TBPL1: variants seen among roughly 807,000 people sequenced by gnomAD.
The protein encoded by TBPL1 is TATA box-binding protein-like 1.
Under a neutral mutation model 22.1 loss-of-function variants are expected in TBPL1, and 4 were observed. That is an observed-to-expected ratio of 0.18 (90% CI 0.09 to 0.41). TBPL1 has a LOEUF of 0.41. TBPL1 is among the 10% of genes least tolerant of loss of function. The pLI, the probability that TBPL1 is intolerant of heterozygous loss-of-function variation, is 1.00. For missense variants in TBPL1, 115 were observed against 222.3 expected, an observed-to-expected ratio of 0.52 and a Z score of 3.07; for synonymous variants, 64 against 71.0, an observed-to-expected ratio of 0.90 and a Z score of 0.50.
At chr6:133,954,170 G>C (rs2114310198) in intron 1 of TBPL1, among the ~76,000 whole-genome samples, 1 of 152,330 alleles carries the variant, frequency 6.6e-6, no homozygotes, top group East Asian at 1.9e-4. Context: ...ATTGCAATAA[G>C]ACTCAAACTG....
chr6:133,955,811 C>A lies in TBPL1; in HGVS notation c.-45+2386C>A, dbSNP rs4896018. On this transcript the variant is annotated intron_variant, in intron 1 of 6. Transcript: ENST00000237264. ...ATTCTAAAAAAATTATTCTTAAAAT[C>A]AATCTTGACTGAAATTATATTCTGC... Among the ~76,000 whole-genome samples, 1,284 of 152,230 alleles carry A rather than the reference C, an allele frequency of 8.4e-3. 38 individuals are homozygous for A. The highest frequency in any genetic ancestry group is 0.062 in the Admixed American group (949 of 15,294).
intron 1 of TBPL1, among the ~76,000 whole-genome samples, chr6:133,977,418 T>G (rs193119396): frequency 6.6e-6 from 1 of 152,314 alleles, no homozygotes; most frequent in Non-Finnish European, 1.5e-5. Context: ...CAGATTTTCT[T>G]TACCCCTTTT....
At chr6:133,985,074 T>TC (rs1764396774) in intron 6 of TBPL1, among the ~76,000 whole-genome samples, 1 of 151,252 alleles carries the variant, frequency 6.6e-6, no homozygotes, top group African/African-American at 2.4e-5. Context: ...GGTCAAGAGA[T>TC]CAAGACCATC....
chr6:133,985,718 C>G (rs1776507334), intron 6 of TBPL1, among the ~76,000 whole-genome samples: 1 of 152,026 alleles, frequency 6.6e-6, no homozygotes, highest in South Asian at 2.1e-4. Context: ...TTTCTTCAAT[C>G]CACAGAGGAA....
chr6:133,965,638 T>A (rs941715650), intron 1 of TBPL1, among the ~76,000 whole-genome samples: 11 of 151,986 alleles, frequency 7.2e-5, no homozygotes, highest in African/African-American at 2.4e-4. Flanking sequence ...ACTGTTAAAT[T>A]TAGTGCTTTT....
intron 1 of TBPL1, among the ~76,000 whole-genome samples, chr6:133,966,687 A>G (rs1468127530): frequency 6.6e-6 from 1 of 152,104 alleles, no homozygotes; most frequent in Non-Finnish European, 1.5e-5. Context: ...ATCTTAGTAA[A>G]TAGTATCTTA....
intron 1 of TBPL1, among the ~76,000 whole-genome samples, chr6:133,962,159 T>G (rs1583810350): frequency 6.6e-6 from 1 of 152,058 alleles, no homozygotes; most frequent in African/African-American, 2.4e-5. Flanking sequence ...AGTGGAAGAT[T>G]AGGTTATATA....
chr6:133,973,036 A>G (rs565030683), intron 1 of TBPL1, among the ~76,000 whole-genome samples: 13 of 152,350 alleles, frequency 8.5e-5, no homozygotes, highest in Admixed American at 5.9e-4. Flanking sequence ...CAGATACGAA[A>G]GAACATCGTT....
intron 1 of TBPL1, chr6:133,968,743 T>G (rs1402072934): frequency 6.6e-6 from 1 of 152,284 alleles, no homozygotes; most frequent in African/African-American, 2.4e-5. Context: ...CAATCTCTGC[T>G]CACTGCAGCC....
At chr6:133,984,711 T>C (rs1391603478) in intron 6 of TBPL1, 40 bp downstream of exon 6, 1 of 1,485,192 alleles carries the variant, frequency 6.7e-7, no homozygotes, top group Non-Finnish European at 9.4e-7. Context: ...CAATTATGGA[T>C]TGAATGATAC....
rs186196101 is a variant in TBPL1, at chr6:133,957,362, A to G, written c.-45+3937A>G. 9.2e-5 allele frequency among the ~76,000 whole-genome samples: 14 copies of G among 152,344 alleles called. No homozygotes were observed. The East Asian group carries it at 2.3e-3, about 25-fold the overall frequency. ...TAAGGACAGAGTTTTCTTAGGACAT[A>G]TGTGGATGATTTCAGCATTGAATTG... On this transcript the variant is annotated intron_variant, in intron 1 of 6. Transcript: ENST00000237264.
chr6:133,975,222 A>G (rs1776293157), intron 1 of TBPL1, among the ~76,000 whole-genome samples: 1 of 152,146 alleles, frequency 6.6e-6, no homozygotes. Context: ...TACTACAGTG[A>G]AAAAAGGGTA....
intron 1 of TBPL1, among the ~76,000 whole-genome samples, chr6:133,966,706 A>G (rs1776124603): frequency 6.6e-6 from 1 of 152,054 alleles, no homozygotes; most frequent in South Asian, 2.1e-4. Flanking sequence ...TAGGCCACAA[A>G]CCTGCAGTCA....
At position 133,973,567 on chromosome 6, in the gene TBPL1, C is replaced by T. The variant is rs573524385; in HGVS notation, c.-44-6515C>T. ...CTTTGATGCAATTTGTCGTAAAAGC[C>T]AGAAGGTGGCGATGTTTTCCATTTA... On this transcript the variant is annotated intron_variant, in intron 1 of 6. Transcript: ENST00000237264. Among the ~76,000 whole-genome samples the T allele has an allele frequency of 2.6e-5, 4 of 152,176 alleles. No homozygotes were observed. The East Asian group carries it at 5.8e-4, about 22-fold the overall frequency.
At chr6:133,980,433 A>T (rs1414550948) in intron 2 of TBPL1, among the ~76,000 whole-genome samples, 173 bp downstream of exon 2, 1 of 152,180 alleles carries the variant, frequency 6.6e-6, no homozygotes, top group African/African-American at 2.4e-5. Context: ...TGGAGGTGCA[A>T]GCTTTTGTAC....
intron 1 of TBPL1, among the ~76,000 whole-genome samples, chr6:133,971,978 G>T (rs1776229842): frequency 6.6e-6 from 1 of 152,126 alleles, no homozygotes; most frequent in Non-Finnish European, 1.5e-5. Context: ...AAAAGGTAAA[G>T]CAGTAATACA....
At chr6:133,972,457 TTTGGGCTTGTCCAGTAA>T (rs1281271429) in intron 1 of TBPL1, among the ~76,000 whole-genome samples, 3 of 152,238 alleles carry the variant, frequency 2.0e-5, no homozygotes, top group Non-Finnish European at 4.4e-5. Context: ...GTAGTGCCTC[TTTGGGCTTGTCCAGTAA>T]TCAGCAAACT....
intron 6 of TBPL1, among the ~76,000 whole-genome samples, chr6:133,985,657 CA>C (rs1365491800): frequency 2.0e-5 from 3 of 151,748 alleles, no homozygotes; most frequent in African/African-American, 7.3e-5. Context: ...CAACCTTAGG[CA>C]AAAAAGAATT....
chr6:133,959,744 A>G (rs1307595450), intron 1 of TBPL1, among the ~76,000 whole-genome samples: 1 of 152,078 alleles, frequency 6.6e-6, no homozygotes, highest in East Asian at 1.9e-4. Flanking sequence ...CAGCCTCCCA[A>G]AGTGTTGGAA....
Sources: allele counts gnomAD v4.1 joint callset (sites outside exome capture counted in the v4.1 genomes callset), GRCh38; gene constraint gnomAD v4.1.1; transcripts MANE v1.5; gene names NCBI Gene and HGNC (gene_info 2026-07-23, HGNC 2026-07-21).